The following GSN variants were observed in gnomAD, a reference collection of about 807,000 sequenced individuals.
GSN encodes the protein actin-depolymerizing factor.
GSN carries 56 observed loss-of-function variants against 85.7 expected under a neutral mutation model. That is an observed-to-expected ratio of 0.65 (90% CI 0.53 to 0.82). The LOEUF is 0.82. Among genes scored for constraint, GSN ranks in the 40% least tolerant of loss-of-function variants. GSN has a pLI of 0.00. For synonymous variants in GSN, 373 were observed against 399.1 expected, an observed-to-expected ratio of 0.93 and a Z score of 0.78; for missense variants, 857 against 979.8, an observed-to-expected ratio of 0.87 and a Z score of 1.67.
chr9:121,260,303 A>G (rs2055054734), intron 6 of GSN, among the ~76,000 whole-genome samples: 1 of 152,228 alleles, frequency 6.6e-6, no homozygotes, highest in African/African-American at 2.4e-5. Context: ...AGGAGAGGAA[A>G]TCTCCATCGG....
At chr9:121,239,118 A>G (rs2054552287) in intron 5 of GSN, 1 of 357,024 alleles carries the variant, frequency 2.8e-6, no homozygotes, top group Non-Finnish European at 5.5e-6. Flanking sequence ...CTTCTCCTCG[A>G]CCTGCATGTT....
intron 5 of GSN, among the ~76,000 whole-genome samples, chr9:121,246,156 A>G (rs4837819): frequency 0.38 from 57,439 of 151,938 alleles, 13,524 homozygotes; most frequent in East Asian, 0.62. Flanking sequence ...TAGATGATTC[A>G]GGATGAGTAT....
Position 121,318,918 on chromosome 9 carries a change from T to C in GSN, c.1191+38T>C. 1.4e-6 allele frequency: 2 copies of C among 1,473,762 alleles called. No homozygotes were observed. Among genetic ancestry groups the C allele is most frequent in the Non-Finnish European group, 1.9e-6 (2 of 1,053,466 alleles). The allele number at this position is 1,473,762 out of a possible 1,614,324, so 91.3% of individuals were successfully genotyped here. On this transcript the variant is annotated intron_variant, in intron 10 of 17. Transcript: ENST00000432226. This position sits in a 1 kb window ranked among gnomAD's most constrained non-coding sequence, Gnocchi z 4.3. ...CGTGGGGTGGGTGTGTCCAGGCCCC[T>C]CCCTCACTTTCCCCATGCACTGCCT... is the stretch of plus-strand genomic sequence containing the variant.
rs569547735 is a variant in GSN at position 121,326,787 on chromosome 9, G to A, written c.1587+105G>A. 38 of 1,034,422 alleles carry A rather than the reference G, an allele frequency of 3.7e-5. No individual in the cohort carries two copies. The South Asian group carries it at 4.7e-4, about 13-fold the overall frequency. 64.1% of individuals were successfully genotyped at this position (1,034,422 alleles called of 1,614,324 possible). A position where few individuals can be genotyped will look rare whatever the true frequency, so the allele number is the denominator to read the frequency against. ...GGAACGGGGGCAGGGGATGGTGAAT[G>A]ACGGGGTAAGAAGCAGCTTTTTGTA... On this transcript the variant is annotated intron_variant, in intron 13 of 17. Coordinates refer to ENST00000432226, the MANE Select transcript of GSN (RefSeq NM_198252.3).
At chr9:121,289,660 G>A (rs1023644443) in intron 2 of GSN, among the ~76,000 whole-genome samples, 1 of 152,150 alleles carries the variant, frequency 6.6e-6, no homozygotes, top group South Asian at 2.1e-4. Context: ...CCAGTAGCCC[G>A]GTGAGGAGAC....
intron 5 of GSN, among the ~76,000 whole-genome samples, chr9:121,245,524 T>A (rs564910528): frequency 5.5e-4 from 83 of 152,238 alleles, no homozygotes; most frequent in Middle Eastern, 6.8e-3. Context: ...GCCCAGTTAA[T>A]TTTTTAAAAA....
At chr9:121,236,186 CCATTA>C (rs2054488756) in intron 5 of GSN, among the ~76,000 whole-genome samples, 1 of 151,540 alleles carries the variant, frequency 6.6e-6, no homozygotes, top group Non-Finnish European at 1.5e-5. Context: ...TTTTCTTTTT[CCATTA>C]TTTAACATGT....
upstream of GSN, chr9:121,207,757 T>C (rs1243271275): frequency 2.3e-5 from 1 of 44,096 alleles, no homozygotes; most frequent in East Asian, 2.7e-3. Context: ...TCACTTAACT[T>C]CTCTCTTTTT....
chr9:121,253,257 C>T (rs1434167269), intron 6 of GSN, among the ~76,000 whole-genome samples: 1 of 152,238 alleles, frequency 6.6e-6, no homozygotes, highest in Non-Finnish European at 1.5e-5. Flanking sequence ...CGTTGCATAA[C>T]CCTTGACAGG....
chr9:121,322,982 C>T (rs1328669943), intron 11 of GSN, among the ~76,000 whole-genome samples: 1 of 151,922 alleles, frequency 6.6e-6, no homozygotes, highest in Non-Finnish European at 1.5e-5. Context: ...CTTGCCACTA[C>T]TCACCACCAC....
intron 2 of GSN, chr9:121,284,798 A>C (rs1489258858): frequency 6.0e-6 from 1 of 167,156 alleles, no homozygotes; most frequent in Non-Finnish European, 1.5e-5. Flanking sequence ...ATTTCAGAAC[A>C]ATTAGTCCAT....
At chr9:121,289,171 C>CT (rs1173153559) in intron 2 of GSN, among the ~76,000 whole-genome samples, 1 of 150,382 alleles carries the variant, frequency 6.6e-6, no homozygotes, top group African/African-American at 2.4e-5. Flanking sequence ...TTTTTTTTTT[C>CT]TTTTTTTTCT....
chr9:121,318,891 G>A lies in GSN; in HGVS notation c.1191+11G>A. 3.7e-6 allele frequency: 6 copies of A among 1,605,126 alleles called. No individual in the cohort carries two copies. The highest frequency in any genetic ancestry group is 5.1e-6 in the Non-Finnish European group (6 of 1,172,098). ...ACAGGCCAGAAACAGGTACGTTTAG[G>A]GCGTGGGGTGGGTGTGTCCAGGCCC... On this transcript the variant is annotated intron_variant, in intron 10 of 17. Transcript: ENST00000432226. The surrounding 1 kb of genome is among the most constrained non-coding windows in gnomAD (Gnocchi z 4.3).
intron 5 of GSN, 141 bp downstream of exon 5, chr9:121,310,986 C>G (rs1170535559): frequency 1.3e-6 from 1 of 751,544 alleles, no homozygotes; most frequent in Non-Finnish European, 2.3e-6. Context: ...ACAGATATGT[C>G]TGTATGCAAA....
rs1337890901 is a variant in GSN, at chr9:121,312,410, C to T, written c.585C>T (p.Gly195=). 6.2e-7 allele frequency: 1 copy of T among 1,613,860 alleles called. No individual in the cohort carries two copies. The highest frequency in any genetic ancestry group is 8.5e-7 in the Non-Finnish European group (1 of 1,179,720). Residue 195 remains glycine (G), a synonymous_variant, in exon 6 of 18, where the codon GGC becomes GGT. Transcript: ENST00000432226. ...ERLKATQVSK[G]IRDNERSGRA... ...TGAAGGCCACACAGGTGTCCAAGGG[C>T]ATCCGGGACAACGAGCGGAGTGGCC...
intron 4 of GSN, among the ~76,000 whole-genome samples, chr9:121,223,348 C>A (rs56178201): frequency 1.7e-3 from 266 of 152,182 alleles, no homozygotes; most frequent in African/African-American, 6.1e-3. Flanking sequence ...TGACTAACTA[C>A]CTACTGTAAC....
chr9:121,258,783 A>G (rs1316291456), intron 6 of GSN, among the ~76,000 whole-genome samples: 1 of 152,078 alleles, frequency 6.6e-6, no homozygotes, highest in Non-Finnish European at 1.5e-5. Flanking sequence ...ACTGATATTT[A>G]TTTCAAATAG....
intron 14 of GSN, 94 bp from the exon 15 acceptor site, chr9:121,328,797 G>C: frequency 7.7e-7 from 1 of 1,302,948 alleles, no homozygotes. Flanking sequence ...GAGAGCAGTT[G>C]GTTGCGCTTG....
chr9:121,299,586 C>A lies in GSN; in HGVS notation c.-9-2377C>A, dbSNP rs550410512. 8.5e-6 allele frequency: 5 copies of A among 586,534 alleles called. No homozygotes were observed. Among genetic ancestry groups the A allele is most frequent in the African/African-American group, 2.0e-5 (1 of 49,912 alleles). The allele number at this position is 586,534 out of a possible 1,614,324, so 36.3% of individuals were successfully genotyped here. On this transcript the variant is annotated intron_variant, in intron 2 of 17. Transcript: ENST00000432226. The surrounding 1 kb of genome is among the most constrained non-coding windows in gnomAD (Gnocchi z 4.2). Reference sequence around the variant, plus strand: ...AGGCTCAGCTGGGCTCGCCGCCGCTCGTGCCTGCGCCCATTTAGTGTGCAC... The same window carrying A: ...AGGCTCAGCTGGGCTCGCCGCCGCTAGTGCCTGCGCCCATTTAGTGTGCAC...
Sources: gnomAD v4.1 joint callset for allele counts (sites outside exome capture counted in the v4.1 genomes callset) on GRCh38, gnomAD v4.1.1 for gene constraint, Gnocchi (gnomAD v3.1) non-coding constraint, MANE v1.5 for transcripts, NCBI Gene and HGNC (gene_info 2026-07-23, HGNC 2026-07-21) for gene names.